Variants in PRELID2 observed in about 807,000 individuals in gnomAD.
PRELID2 encodes PRELI domain containing 2.
Under a neutral mutation model 28.4 loss-of-function variants are expected in PRELID2, and 25 were observed. The observed-to-expected ratio is 0.88, with a 90% CI of 0.64 to 1.23. The LOEUF is 1.23. Among genes scored for constraint, PRELID2 ranks in the 50% most tolerant of loss-of-function variants. The pLI, the probability that PRELID2 is intolerant of heterozygous loss-of-function variation, is 0.00. For synonymous variants in PRELID2, 76 were observed against 71.6 expected, an observed-to-expected ratio of 1.06 and a Z score of -0.31; for missense variants, 201 against 214.4, an observed-to-expected ratio of 0.94 and a Z score of 0.39.
the PRELID2 span, among the ~76,000 whole-genome samples, chr5:145,253,228 A>G: frequency 6.6e-6 from 1 of 152,172 alleles, no homozygotes; most frequent in Non-Finnish European, 1.5e-5. Flanking sequence ...GCAAAAATTT[A>G]GGATATTCTA....
chr5:145,437,332 A>G, the PRELID2 span: 1 of 152,234 alleles, frequency 6.6e-6, no homozygotes, highest in Non-Finnish European at 1.5e-5. Flanking sequence ...ACTGAAAGAA[A>G]TAATCCTGTT....
intron 1 of PRELID2, among the ~76,000 whole-genome samples, chr5:145,565,476 A>G (rs1245912513): frequency 2.0e-5 from 3 of 152,244 alleles, no homozygotes; most frequent in African/African-American, 7.2e-5. Context: ...AAGCCTTGAG[A>G]AAAGGTGTAT....
At chr5:145,244,465 G>A in the PRELID2 span, among the ~76,000 whole-genome samples, 1 of 151,958 alleles carries the variant, frequency 6.6e-6, no homozygotes, top group South Asian at 2.1e-4. Context: ...TGAATTGAAG[G>A]TACAAAAAGA....
chr5:145,705,262 C>T (rs903712345), intron 1 of PRELID2, among the ~76,000 whole-genome samples: 12 of 151,810 alleles, frequency 7.9e-5, no homozygotes, highest in Admixed American at 7.2e-4. Context: ...GCAATCTCAG[C>T]TCACTGCAAC....
At chr5:145,290,631 AG>A in the PRELID2 span, among the ~76,000 whole-genome samples, 1 of 151,862 alleles carries the variant, frequency 6.6e-6, no homozygotes, top group East Asian at 1.9e-4. Flanking sequence ...GGATAGCATT[AG>A]GAGAAATACC....
the PRELID2 span, among the ~76,000 whole-genome samples, chr5:145,238,040 C>T: frequency 8.5e-5 from 13 of 152,120 alleles, no homozygotes; most frequent in Non-Finnish European, 1.3e-4. Flanking sequence ...GCATATGCCA[C>T]ATTCCTTCTC....
chr5:145,800,539 C>T (rs1163660380), intron 4 of PRELID2, among the ~76,000 whole-genome samples: 1 of 152,132 alleles, frequency 6.6e-6, no homozygotes, highest in Admixed American at 6.6e-5. Flanking sequence ...GTCTCACACT[C>T]TTGGGAGAGA....
At chr5:145,393,772 C>A in the PRELID2 span, among the ~76,000 whole-genome samples, 7 of 152,194 alleles carry the variant, frequency 4.6e-5, no homozygotes, top group African/African-American at 1.7e-4. Flanking sequence ...ACTTAAAATA[C>A]GTGTGGAGAA....
chr5:145,604,746 T>G (rs112772666), intron 1 of PRELID2, among the ~76,000 whole-genome samples: 2 of 114,316 alleles, frequency 1.7e-5, no homozygotes, highest in African/African-American at 8.2e-5. Flanking sequence ...CTGTTTTTTT[T>G]GGTTTTTTTT....
chr5:145,307,292 C>A, the PRELID2 span, among the ~76,000 whole-genome samples: 1 of 152,144 alleles, frequency 6.6e-6, no homozygotes, highest in Non-Finnish European at 1.5e-5. Flanking sequence ...CAGGCCGAAG[C>A]CCAGTCCTCA....
chr5:145,690,678 C>T (rs1755130849), intron 1 of PRELID2, among the ~76,000 whole-genome samples: 2 of 152,140 alleles, frequency 1.3e-5, no homozygotes, highest in South Asian at 4.1e-4. Context: ...GTGATTACTG[C>T]ATTTCCTTTT....
chr5:145,745,533 A>G (rs1395234476), intron 1 of PRELID2, among the ~76,000 whole-genome samples: 7 of 152,218 alleles, frequency 4.6e-5, no homozygotes, highest in Non-Finnish European at 7.3e-5. Context: ...TCTACAAGCC[A>G]GAAGATACTT....
the PRELID2 span, among the ~76,000 whole-genome samples, chr5:145,258,292 G>A: frequency 6.6e-6 from 1 of 152,160 alleles, no homozygotes; most frequent in Non-Finnish European, 1.5e-5. Context: ...TTTGGAACTG[G>A]GTAACAGGCA....
At chr5:145,646,437 C>T (rs1000016150) in intron 1 of PRELID2, among the ~76,000 whole-genome samples, 1 of 152,146 alleles carries the variant, frequency 6.6e-6, no homozygotes, top group African/African-American at 2.4e-5. Flanking sequence ...ATTCGTCTAA[C>T]CTTTTTTCAA....
At chr5:145,276,382 C>T in the PRELID2 span, among the ~76,000 whole-genome samples, 1 of 152,120 alleles carries the variant, frequency 6.6e-6, no homozygotes, top group Non-Finnish European at 1.5e-5. Flanking sequence ...TGTTGTTTCA[C>T]ATGGTCACAG....
At chr5:145,339,617 G>A in the PRELID2 span, among the ~76,000 whole-genome samples, 1 of 152,192 alleles carries the variant, frequency 6.6e-6, no homozygotes, top group African/African-American at 2.4e-5. Flanking sequence ...CGTTGTTGCT[G>A]TAGGGCCAAG....
chr5:145,704,910 A>G (rs1355033835), intron 1 of PRELID2, among the ~76,000 whole-genome samples: 2 of 152,226 alleles, frequency 1.3e-5, no homozygotes, highest in Non-Finnish European at 2.9e-5. Flanking sequence ...ACACACAGGA[A>G]GGAGCTGAGA....
intron 1 of PRELID2, among the ~76,000 whole-genome samples, chr5:145,654,989 T>C (rs2149673640): frequency 6.6e-6 from 1 of 152,158 alleles, no homozygotes; most frequent in African/African-American, 2.4e-5. Flanking sequence ...TGACTGTATA[T>C]GTAGAAAACC....
At chr5:145,301,095 T>C in the PRELID2 span, among the ~76,000 whole-genome samples, 2,781 of 152,228 alleles carry the variant, frequency 0.018, 45 homozygotes, top group Middle Eastern at 0.054. Flanking sequence ...GATTGTGTTA[T>C]TTTACATCCC....
Sources: gnomAD v4.1 joint callset for allele counts (sites outside exome capture counted in the v4.1 genomes callset) on GRCh38, gnomAD v4.1.1 for gene constraint, MANE v1.5 for transcripts, NCBI Gene and HGNC (gene_info 2026-07-23, HGNC 2026-07-21) for gene names.